The following SPOCK1 variants were observed in gnomAD, a reference collection of about 807,000 sequenced individuals.
SPOCK1 encodes SPARC (osteonectin), cwcv and kazal like domains proteoglycan 1.
In SPOCK1, 23 loss-of-function variants were observed where a neutral mutation model predicts 55.3. The ratio of observed to expected loss-of-function variants is 0.42; its 90% CI spans 0.30 to 0.59. The LOEUF is 0.59. Among genes scored for constraint, SPOCK1 ranks in the 20% least tolerant of loss-of-function variants. SPOCK1 has a pLI of 0.22. For missense variants in SPOCK1, 499 were observed against 552.5 expected, an observed-to-expected ratio of 0.90 and a Z score of 0.97; for synonymous variants, 226 against 221.0, an observed-to-expected ratio of 1.02 and a Z score of -0.20.
At chr5:137,435,080 G>A (rs766621125) in intron 2 of SPOCK1, among the ~76,000 whole-genome samples, 1 of 152,066 alleles carries the variant, frequency 6.6e-6, no homozygotes, top group Non-Finnish European at 1.5e-5. Flanking sequence ...ATCACAATGC[G>A]AACATGTTAT....
At chr5:137,254,503 C>G (rs1292796844) in intron 3 of SPOCK1, among the ~76,000 whole-genome samples, 1 of 152,144 alleles carries the variant, frequency 6.6e-6, no homozygotes, top group African/African-American at 2.4e-5. Flanking sequence ...ATGACAAGAT[C>G]TAATATGGAT....
intron 2 of SPOCK1, among the ~76,000 whole-genome samples, chr5:137,403,065 ACCTT>A (rs745885501): frequency 6.6e-6 from 1 of 152,196 alleles, no homozygotes; most frequent in Non-Finnish European, 1.5e-5. Context: ...TTGTCCCTTC[ACCTT>A]CCTTCCTTCC....
chr5:137,297,981 G>T (rs73293007), intron 2 of SPOCK1, among the ~76,000 whole-genome samples: 7,481 of 152,138 alleles, frequency 0.049, 288 homozygotes, highest in East Asian at 0.12. Flanking sequence ...TTTTACTGTG[G>T]CCCAGAGAAG....
At chr5:136,991,695 T>C (rs2126963820) in intron 7 of SPOCK1, among the ~76,000 whole-genome samples, 1 of 152,334 alleles carries the variant, frequency 6.6e-6, no homozygotes, top group East Asian at 1.9e-4. Context: ...TAATTGTGTT[T>C]AGTAATCTAT....
At position 137,163,600 on chromosome 5, in the gene SPOCK1, T is replaced by C. The variant is rs141844534; in HGVS notation, c.233-22906A>G. Among the ~76,000 whole-genome samples, 1,049 of 152,364 alleles carry C rather than the reference T, an allele frequency of 6.9e-3. 14 individuals carry two copies. Among genetic ancestry groups the C allele is most frequent in the African/African-American group, 0.023 (960 of 41,582 alleles). ...CTCACTAAATCCTCATAATAATCTT[T>C]TGAAGTAGACATCATTATCCCAGTT... On this transcript the variant is annotated intron_variant, in intron 3 of 10. Transcript: ENST00000394945.
At chr5:137,327,481 CAACTAT>C (rs1247629548) in intron 2 of SPOCK1, among the ~76,000 whole-genome samples, 1 of 152,104 alleles carries the variant, frequency 6.6e-6, no homozygotes, top group African/African-American at 2.4e-5. Flanking sequence ...GAAACCAATA[CAACTAT>C]ATCTATTTTG....
chr5:137,087,828 G>A (rs1166486220), intron 5 of SPOCK1, among the ~76,000 whole-genome samples: 1 of 151,356 alleles, frequency 6.6e-6, no homozygotes, highest in Non-Finnish European at 1.5e-5. Context: ...CAGGAAGCAG[G>A]GAGGAAGAAA....
At position 137,045,123 on chromosome 5, in the gene SPOCK1, T is replaced by C. The variant is rs989298119; in HGVS notation, c.589+22592A>G. The stretch of plus-strand genomic sequence containing the variant: ...AAACATACGTGTGCATGTGTCTTTA[T>C]AGCAGCATGATTTATAATCTTTTAG... On this transcript the variant is annotated intron_variant, in intron 6 of 10. Transcript: ENST00000394945. Among the ~76,000 whole-genome samples, 24 of 151,412 alleles carry C rather than the reference T, an allele frequency of 1.6e-4. 1 individual carries two copies. The highest frequency in any genetic ancestry group is 5.4e-4 in the African/African-American group (22 of 40,938).
intron 2 of SPOCK1, among the ~76,000 whole-genome samples, chr5:137,306,850 A>G (rs1757709218): frequency 1.3e-5 from 2 of 152,142 alleles, no homozygotes; most frequent in African/African-American, 4.8e-5. Flanking sequence ...GGGATTTTTT[A>G]TAAAGAAGGC....
chr5:137,315,754 G>A (rs1010634144), intron 2 of SPOCK1, among the ~76,000 whole-genome samples: 12 of 152,212 alleles, frequency 7.9e-5, no homozygotes, highest in Non-Finnish European at 1.3e-4. Flanking sequence ...GCAGGCTGTA[G>A]GTTCCCATGA....
At chr5:137,229,419 T>C (rs1429715948) in intron 3 of SPOCK1, among the ~76,000 whole-genome samples, 3 of 152,240 alleles carry the variant, frequency 2.0e-5, no homozygotes, top group East Asian at 1.9e-4. Context: ...TACCAGGTCC[T>C]AGAGACACCT....
intron 2 of SPOCK1, among the ~76,000 whole-genome samples, chr5:137,332,557 CA>C (rs1220629637): frequency 3.9e-5 from 6 of 152,352 alleles, no homozygotes; most frequent in Admixed American, 1.3e-4. Context: ...GGCTGGCCAG[CA>C]CCATGGATGC....
chr5:137,356,838 T>TATATATGGAGAGAGAG (rs1554077335), intron 2 of SPOCK1, among the ~76,000 whole-genome samples: 8 of 5,454 alleles, frequency 1.5e-3, no homozygotes, highest in Non-Finnish European at 2.2e-3. Context: ...TATATATATA[T>TATATATGGAGAGAGAG]AGAGAGAGAG....
chr5:137,414,471 C>A (rs1167961808), intron 2 of SPOCK1, among the ~76,000 whole-genome samples: 1 of 152,148 alleles, frequency 6.6e-6, no homozygotes, highest in African/African-American at 2.4e-5. Context: ...GACTGCTTAC[C>A]ACCTTTCCCT....
chr5:137,165,165 G>A (rs368593414), intron 3 of SPOCK1, among the ~76,000 whole-genome samples: 16 of 152,210 alleles, frequency 1.1e-4, no homozygotes, highest in African/African-American at 3.6e-4. Flanking sequence ...CCTAGGGGTG[G>A]TGGCCACAAG....
chr5:137,172,771 C>T (rs1754778621), intron 3 of SPOCK1, among the ~76,000 whole-genome samples: 1 of 152,118 alleles, frequency 6.6e-6, no homozygotes, highest in Non-Finnish European at 1.5e-5. Context: ...CTTCAGAATC[C>T]AGTAAGTGGG....
Position 137,071,259 on chromosome 5 carries a change from G to A in SPOCK1, c.475-3430C>T, listed in dbSNP as rs1210619452. Among the ~76,000 whole-genome samples, 10 of 152,182 alleles carry A rather than the reference G, an allele frequency of 6.6e-5. 1 individual carries two copies. In the Middle Eastern group the frequency reaches 0.02, roughly 311 times the overall value. On this transcript the variant is annotated intron_variant, in intron 5 of 10. Transcript: ENST00000394945. ...TCCTCCCACCCCAGCCTCCCGAAAT[G>A]CTAGAATTACAGGCAAGAGCCATCA...
At chr5:137,071,378 G>T (rs1311277933) in intron 5 of SPOCK1, among the ~76,000 whole-genome samples, 2 of 152,140 alleles carry the variant, frequency 1.3e-5, no homozygotes, top group African/African-American at 4.8e-5. Flanking sequence ...AACTGGCAGG[G>T]GAGGGGACCA....
chr5:137,236,701 C>T (rs1341762557), intron 3 of SPOCK1, among the ~76,000 whole-genome samples: 1 of 152,136 alleles, frequency 6.6e-6, no homozygotes, highest in African/African-American at 2.4e-5. Flanking sequence ...TTAGAATCAG[C>T]TCATACAAGT....
Sources: allele counts gnomAD v4.1 joint callset (sites outside exome capture counted in the v4.1 genomes callset), GRCh38; gene constraint gnomAD v4.1.1; transcripts MANE v1.5; gene names NCBI Gene and HGNC (gene_info 2026-07-23, HGNC 2026-07-21).